Variants in CNPY1 observed in about 807,000 individuals in gnomAD.
The protein encoded by CNPY1 is canopy FGF signaling regulator 1.
In CNPY1, 14 loss-of-function variants were observed where a neutral mutation model predicts 14.4. The observed-to-expected ratio is 0.97, with a 90% CI of 0.64 to 1.52. The LOEUF is 1.52. Among genes scored for constraint, CNPY1 ranks in the 40% most tolerant of loss-of-function variants. The probability of loss-of-function intolerance (pLI) is 0.00; values close to 1 mark genes in which losing one functional copy is unlikely to be tolerated. For synonymous variants in CNPY1, 43 were observed against 46.5 expected (o/e 0.92, Z 0.31); for missense variants, 129 against 131.5 (o/e 0.98, Z 0.09).
intron 4 of CNPY1, among the ~76,000 whole-genome samples, chr7:155,503,373 A>G (rs572731336): frequency 6.6e-6 from 1 of 152,234 alleles, no homozygotes; most frequent in South Asian, 2.1e-4. Flanking sequence ...TTAGGATTTA[A>G]AGCAAGGCCA....
chr7:155,545,979 G>C (rs946904837), intron 1 of CNPY1, 36 bp from the exon 2 acceptor site: 2 of 398,472 alleles, frequency 5.0e-6, no homozygotes, highest in Non-Finnish European at 8.8e-6. Flanking sequence ...ATCAGAGGAG[G>C]AGGCGAGCCA....
chr7:155,507,002 T>C lies in CNPY1; in HGVS notation c.400+18A>G. The C allele has an allele frequency of 6.6e-7, 1 of 1,526,602 alleles. No homozygotes were observed. Among genetic ancestry groups the C allele is most frequent in the Non-Finnish European group, 9.1e-7 (1 of 1,101,284 alleles). 94.6% of individuals were successfully genotyped at this position (1,526,602 alleles called of 1,614,324 possible). On this transcript the variant is annotated intron_variant, in intron 4 of 4. Transcript: ENST00000636446. ...AGGGTGTGCGAGCAGCGAGCACATG[T>C]TACATCAGACACAGTACCTGATTTT...
chr7:155,530,508 G>T (rs1585328150), intron 2 of CNPY1, among the ~76,000 whole-genome samples: 2 of 152,046 alleles, frequency 1.3e-5, no homozygotes, highest in East Asian at 3.9e-4. Context: ...TTTTAACAAA[G>T]TTTTTTACAA....
intron 4 of CNPY1, among the ~76,000 whole-genome samples, chr7:155,506,414 C>T (rs1796310074): frequency 6.6e-6 from 1 of 152,196 alleles, no homozygotes; most frequent in Non-Finnish European, 1.5e-5. Flanking sequence ...AAATAAAATT[C>T]TGCTCATTTT....
In CNPY1 at chr7:155,527,569, G is replaced by A. The variant is rs551123622; in HGVS notation, c.99+18262C>T. Among the ~76,000 whole-genome samples, 9 of 147,620 alleles carry A rather than the reference G, an allele frequency of 6.1e-5. No individual in the cohort carries two copies. In the East Asian group the frequency reaches 1.8e-3, roughly 30 times the overall value. The stretch of plus-strand genomic sequence containing the variant: ...TGATCCTCCCTCCTCAGCCTCCTGA[G>A]TAGCTGGGACCACAAGTACACGCCA... On this transcript the variant is annotated intron_variant, in intron 2 of 4. Coordinates refer to ENST00000636446, the MANE Select transcript of CNPY1 (RefSeq NM_001393663.1).
At chr7:155,527,866 C>T (rs1158459938) in intron 2 of CNPY1, among the ~76,000 whole-genome samples, 3 of 152,196 alleles carry the variant, frequency 2.0e-5, no homozygotes, top group East Asian at 1.9e-4. Flanking sequence ...GGGTCCCGGC[C>T]GCTGCTGGGC....
At chr7:155,510,766 A>G (rs1468478230) in intron 2 of CNPY1, among the ~76,000 whole-genome samples, 4 of 152,246 alleles carry the variant, frequency 2.6e-5, no homozygotes, top group African/African-American at 9.6e-5. Flanking sequence ...AATTTTCATT[A>G]AGTTGTAAAA....
chr7:155,522,655 G>T (rs912648912), intron 2 of CNPY1, among the ~76,000 whole-genome samples: 1 of 152,054 alleles, frequency 6.6e-6, no homozygotes, highest in Non-Finnish European at 1.5e-5. Context: ...TGAGCACCTC[G>T]TCTTCATGGA....
intron 3 of CNPY1, among the ~76,000 whole-genome samples, chr7:155,507,502 A>G (rs1360821132): frequency 1.4e-5 from 2 of 148,106 alleles, no homozygotes; most frequent in African/African-American, 5.0e-5. Context: ...AAAAAAAAGA[A>G]GACCACAGCT....
At chr7:155,537,514 C>T (rs1159169297) in intron 2 of CNPY1, among the ~76,000 whole-genome samples, 1 of 151,512 alleles carries the variant, frequency 6.6e-6, no homozygotes, top group East Asian at 1.9e-4. Context: ...ACCTCCGCCT[C>T]CTGGATTCAA....
chr7:155,542,088 G>A (rs2116759803), intron 2 of CNPY1, among the ~76,000 whole-genome samples: 1 of 152,310 alleles, frequency 6.6e-6, no homozygotes, highest in Admixed American at 6.5e-5. Context: ...AGCCGGTGCA[G>A]AACACGTGCA....
At chr7:155,542,383 G>A (rs768883863) in intron 2 of CNPY1, among the ~76,000 whole-genome samples, 12 of 152,150 alleles carry the variant, frequency 7.9e-5, no homozygotes, top group African/African-American at 1.2e-4. Flanking sequence ...ATGGGCGGGC[G>A]TAGGGAGCCA....
At chr7:155,532,481 CACG>C (rs1796955700) in intron 2 of CNPY1, among the ~76,000 whole-genome samples, 4 of 147,850 alleles carry the variant, frequency 2.7e-5, no homozygotes, top group South Asian at 2.1e-4. Flanking sequence ...ATTAGCCGGG[CACG>C]GTGGTGGGCG....
intron 2 of CNPY1, among the ~76,000 whole-genome samples, chr7:155,540,202 G>A (rs750117470): frequency 6.6e-6 from 1 of 152,162 alleles, no homozygotes; most frequent in Non-Finnish European, 1.5e-5. Flanking sequence ...CTCTGCACTT[G>A]GGGGCTGGAG....
intron 2 of CNPY1, among the ~76,000 whole-genome samples, chr7:155,541,069 C>A (rs2116758386): frequency 6.6e-6 from 1 of 152,356 alleles, no homozygotes; most frequent in South Asian, 2.1e-4. Context: ...GTGTGAGGAG[C>A]TACCGAGTGA....
chr7:155,540,550 G>A lies in CNPY1; in HGVS notation c.99+5281C>T, dbSNP rs185490789. ...TTGGTGCAAACCGGATATTGGCCTC[G>A]TCCTCACTGTTGCTGTTGGTGCTTT... On this transcript the variant is annotated intron_variant, in intron 2 of 4. Transcript: ENST00000636446. 8.1e-4 allele frequency among the ~76,000 whole-genome samples: 124 copies of A among 152,286 alleles called. 1 individual carries two copies. Among genetic ancestry groups the A allele is most frequent in the South Asian group, 2.1e-4 (1 of 4,830 alleles).
intron 2 of CNPY1, among the ~76,000 whole-genome samples, chr7:155,531,226 C>T (rs1796932414): frequency 1.3e-5 from 2 of 152,218 alleles, no homozygotes; most frequent in African/African-American, 4.8e-5. Context: ...TGTGACCACT[C>T]ACTCTCTCCT....
In CNPY1 at chr7:155,501,240, A is replaced by G. The variant is rs201830732; in HGVS notation, c.*1828T>C. ...TAAGTCAAGGTTCCTCGCCCTCTCC[A>G]TTCAAAGCAAAGCATCACTGTCCAT... On this transcript the variant is annotated 3_prime_UTR_variant, in exon 5 of 5. Transcript: ENST00000636446. 2.0e-5 allele frequency: 3 copies of G among 152,324 alleles called. No individual in the cohort carries two copies. In the East Asian group the frequency reaches 5.8e-4, roughly 29 times the overall value. 9.4% of individuals were successfully genotyped at this position (152,324 alleles called of 1,614,324 possible).
Position 155,502,937 on chromosome 7 carries a change from A to G in CNPY1, c.*131T>C. 1.4e-6 allele frequency: 1 copy of G among 736,648 alleles called. No homozygotes were observed. Among genetic ancestry groups the G allele is most frequent in the Non-Finnish European group, 2.2e-6 (1 of 452,712 alleles). 45.6% of individuals were successfully genotyped at this position (736,648 alleles called of 1,614,324 possible). On this transcript the variant is annotated 3_prime_UTR_variant, in exon 5 of 5. Coordinates refer to ENST00000636446, the MANE Select transcript of CNPY1 (RefSeq NM_001393663.1). ...AACAGATTTTCAAAATGAATCATAAACGGAGACAAACACGGTATAAACAAG... is the reference window on the plus strand; with the variant it reads ...AACAGATTTTCAAAATGAATCATAAGCGGAGACAAACACGGTATAAACAAG...
Sources: allele counts gnomAD v4.1 joint callset (sites outside exome capture counted in the v4.1 genomes callset), GRCh38; gene constraint gnomAD v4.1.1; transcripts MANE v1.5; gene names NCBI Gene and HGNC (gene_info 2026-07-23, HGNC 2026-07-21).